COBLL1: variants seen among roughly 807,000 people sequenced by gnomAD.
COBLL1 encodes cordon-bleu protein-like 1.
In COBLL1, 50 loss-of-function variants were observed where a neutral mutation model predicts 94.8. The ratio of observed to expected loss-of-function variants is 0.53; its 90% CI spans 0.42 to 0.67. The LOEUF is 0.67. COBLL1 is among the 30% of genes least tolerant of loss of function. The pLI is 0.00. For missense variants in COBLL1, 1,362 were observed against 1,348.7 expected, an observed-to-expected ratio of 1.01 and a Z score of -0.15; for synonymous variants, 448 against 473.8, an observed-to-expected ratio of 0.95 and a Z score of 0.71.
intron 2 of COBLL1, among the ~76,000 whole-genome samples, chr2:164,758,271 C>G (rs1307988541): frequency 6.6e-6 from 1 of 151,462 alleles, no homozygotes; most frequent in Non-Finnish European, 1.5e-5. Flanking sequence ...CCTAAATGCA[C>G]TCTAGGAAAA....
At chr2:164,809,093 GTGTT>G (rs1161491816) in intron 2 of COBLL1, among the ~76,000 whole-genome samples, 1 of 152,024 alleles carries the variant, frequency 6.6e-6, no homozygotes, top group Non-Finnish European at 1.5e-5. Context: ...AACTACAACA[GTGTT>G]TTTTTGACTT....
At chr2:164,759,530 T>C (rs1294519922) in intron 2 of COBLL1, among the ~76,000 whole-genome samples, 1 of 152,068 alleles carries the variant, frequency 6.6e-6, no homozygotes, top group African/African-American at 2.4e-5. Flanking sequence ...GCACAATCCA[T>C]AGATTTAGTA....
intron 2 of COBLL1, among the ~76,000 whole-genome samples, chr2:164,779,940 T>A (rs904391794): frequency 6.6e-6 from 1 of 152,218 alleles, no homozygotes; most frequent in Non-Finnish European, 1.5e-5. Context: ...TGAGGCCTAA[T>A]GAGAAACAGG....
intron 2 of COBLL1, among the ~76,000 whole-genome samples, chr2:164,665,053 G>A (rs1226801244): frequency 3.3e-5 from 5 of 152,136 alleles, no homozygotes; most frequent in Admixed American, 6.6e-5. Context: ...AAAGTGGGTC[G>A]GGCACAGTGG....
At chr2:164,805,331 CTCTCTCTATATA>C (rs1352741270) in intron 2 of COBLL1, among the ~76,000 whole-genome samples, 106 of 21,282 alleles carry the variant, frequency 5.0e-3, no homozygotes, top group Non-Finnish European at 6.0e-3. Context: ...CTCTCTCTCT[CTCTCTCTATATA>C]TATATATATA....
At chr2:164,758,938 G>A (rs1687548065) in intron 2 of COBLL1, among the ~76,000 whole-genome samples, 1 of 151,692 alleles carries the variant, frequency 6.6e-6, no homozygotes. Context: ...AAGTTAAAAA[G>A]TTTTAGTTGA....
intron 13 of COBLL1, among the ~76,000 whole-genome samples, chr2:164,690,954 A>T (rs1683558479): frequency 6.6e-6 from 1 of 152,222 alleles, no homozygotes; most frequent in South Asian, 2.1e-4. Context: ...TAAATTTGTC[A>T]TGACCGATGA....
chr2:164,694,735 T>C lies in COBLL1; in HGVS notation c.2657A>G (p.Lys886Arg), dbSNP rs1345225103. 3 of 1,613,836 alleles carry C rather than the reference T, an allele frequency of 1.9e-6. No individual in the cohort carries two copies. The highest frequency in any genetic ancestry group is 1.7e-5 in the Admixed American group (1 of 59,948). ...AGGATTAGGGGCAGCATGGACACTC[T>C]TGGCAGCTGCAGATGTCACATAGTG... ...SGHYVTSAAAKSVHAAPNPAP... is the reference protein window; with the variant it reads ...SGHYVTSAAARSVHAAPNPAP... The change falls in exon 12 of 14, where the codon AAG becomes AGG. Residue 886 changes from lysine to arginine, a missense_variant. Coordinates refer to ENST00000652658, the MANE Select transcript of COBLL1 (RefSeq NM_001365672.2).
chr2:164,751,301 C>G (rs1416460860), intron 2 of COBLL1, among the ~76,000 whole-genome samples: 1 of 152,046 alleles, frequency 6.6e-6, no homozygotes, highest in African/African-American at 2.4e-5. Flanking sequence ...ATAAAAATTC[C>G]TGGAGGGCTG....
intron 2 of COBLL1, among the ~76,000 whole-genome samples, chr2:164,753,008 G>T (rs1284567706): frequency 6.6e-6 from 1 of 152,194 alleles, no homozygotes; most frequent in Non-Finnish European, 1.5e-5. Context: ...GGGCACAGTG[G>T]CTGCACTAAT....
intron 2 of COBLL1, among the ~76,000 whole-genome samples, chr2:164,784,982 G>A (rs1229229980): frequency 2.6e-5 from 4 of 152,110 alleles, no homozygotes; most frequent in African/African-American, 9.7e-5. Flanking sequence ...CCATCCTAAT[G>A]AATGTATTAA....
At chr2:164,768,843 A>G (rs1381079970) in intron 2 of COBLL1, among the ~76,000 whole-genome samples, 2 of 152,168 alleles carry the variant, frequency 1.3e-5, no homozygotes, top group African/African-American at 4.8e-5. Context: ...TTTTAGGTAT[A>G]TTTGTATTGC....
chr2:164,818,697 CT>C (rs1685000036), intron 2 of COBLL1, among the ~76,000 whole-genome samples: 1 of 141,738 alleles, frequency 7.1e-6, no homozygotes, highest in Non-Finnish European at 1.5e-5. Flanking sequence ...TGTATATGTA[CT>C]TATGTAAACA....
At chr2:164,757,442 T>C (rs1687468542) in intron 2 of COBLL1, among the ~76,000 whole-genome samples, 1 of 152,188 alleles carries the variant, frequency 6.6e-6, no homozygotes, top group Non-Finnish European at 1.5e-5. Flanking sequence ...TTTCCTTTTA[T>C]CAAAGAGGAA....
intron 13 of COBLL1, among the ~76,000 whole-genome samples, 171 bp downstream of exon 13, chr2:164,692,050 T>C (rs1683629064): frequency 6.6e-6 from 1 of 152,200 alleles, no homozygotes; most frequent in Non-Finnish European, 1.5e-5. Flanking sequence ...TGACATATTT[T>C]TCAAGTACGT....
At chr2:164,673,710 A>T (rs1270894424) in intron 1 of COBLL1, among the ~76,000 whole-genome samples, 1 of 152,180 alleles carries the variant, frequency 6.6e-6, no homozygotes. Context: ...AAACTCAGTG[A>T]ATTCACTTCA....
At chr2:164,690,334 A>G (rs1217225172) in intron 13 of COBLL1, among the ~76,000 whole-genome samples, 1 of 152,206 alleles carries the variant, frequency 6.6e-6, no homozygotes, top group Non-Finnish European at 1.5e-5. Context: ...AGAGCTATCA[A>G]TAAGGTTCCA....
intron 7 of COBLL1, among the ~76,000 whole-genome samples, chr2:164,710,563 ATTC>A (rs944539507): frequency 8.7e-6 from 1 of 114,800 alleles, no homozygotes; most frequent in African/African-American, 4.4e-5. Flanking sequence ...AAGCAGCAGC[ATTC>A]TTTTTTTTTT....
intron 7 of COBLL1, among the ~76,000 whole-genome samples, chr2:164,706,483 C>A (rs1293859184): frequency 6.6e-6 from 1 of 152,170 alleles, no homozygotes; most frequent in African/African-American, 2.4e-5. Flanking sequence ...AATTCCAAAT[C>A]CACGTCTCTA....
Sources: allele counts gnomAD v4.1 joint callset (sites outside exome capture counted in the v4.1 genomes callset), GRCh38; gene constraint gnomAD v4.1.1; transcripts MANE v1.5; gene names NCBI Gene and HGNC (gene_info 2026-07-23, HGNC 2026-07-21).